Variants in ARHGEF3 observed in about 807,000 individuals in gnomAD.
ARHGEF3 encodes 59.8 kDA protein.
ARHGEF3 carries 28 observed loss-of-function variants against 63.2 expected under a neutral mutation model. The observed-to-expected ratio is 0.44, with a 90% CI of 0.33 to 0.61. The LOEUF (loss-of-function observed/expected upper bound fraction) is 0.61, where lower values mean the gene tolerates loss of function less well. Among genes scored for constraint, ARHGEF3 ranks in the 20% least tolerant of loss-of-function variants. The pLI is 0.03. For missense variants in ARHGEF3, 533 were observed against 659.3 expected (o/e 0.81, Z 2.10); for synonymous variants, 266 against 254.2 (o/e 1.05, Z -0.44).
chr3:57,039,452 T>G (rs1382957426), intron 1 of ARHGEF3, among the ~76,000 whole-genome samples: 1 of 152,146 alleles, frequency 6.6e-6, no homozygotes, highest in African/African-American at 2.4e-5. Flanking sequence ...AAGAGACATA[T>G]TCTAGAATGT....
chr3:56,847,344 G>T (rs1358260825), intron 4 of ARHGEF3, among the ~76,000 whole-genome samples: 1 of 152,082 alleles, frequency 6.6e-6, no homozygotes, highest in Non-Finnish European at 1.5e-5. Context: ...ACCAAATTCA[G>T]CCTCATCTTA....
chr3:56,802,081 G>T, upstream of ARHGEF3: 1 of 1,134,836 alleles, frequency 8.8e-7, no homozygotes, highest in Non-Finnish European at 1.1e-6. Flanking sequence ...ACCTCCTGGG[G>T]CTGCGAGGGG....
At chr3:56,809,934 T>C (rs1342960154) in intron 4 of ARHGEF3, among the ~76,000 whole-genome samples, 1 of 152,098 alleles carries the variant, frequency 6.6e-6, no homozygotes, top group Non-Finnish European at 1.5e-5. Flanking sequence ...GGTTTCACCA[T>C]GTGGGTCAGG....
At chr3:56,921,967 C>T (rs908754294) in intron 3 of ARHGEF3, among the ~76,000 whole-genome samples, 5 of 152,120 alleles carry the variant, frequency 3.3e-5, no homozygotes, top group South Asian at 2.1e-4. Flanking sequence ...TACAAGCAAT[C>T]GCCTGAGCTC....
At chr3:56,774,843 G>C (rs774876961) in intron 1 of ARHGEF3, among the ~76,000 whole-genome samples, 2 of 152,014 alleles carry the variant, frequency 1.3e-5, no homozygotes, top group Non-Finnish European at 2.9e-5. Flanking sequence ...AGTGAGCCGA[G>C]ATTGCGCCAC....
chr3:56,869,931 C>G (rs1310557655), intron 4 of ARHGEF3, among the ~76,000 whole-genome samples: 1 of 151,964 alleles, frequency 6.6e-6, no homozygotes, highest in Admixed American at 6.6e-5. Context: ...TAAAACTTGT[C>G]AATATAACAT....
rs2037670120 is a variant in ARHGEF3 at position 56,801,843 on chromosome 3, G to T, written c.-45C>A. Reference sequence around the variant, plus strand: ...CTTTGGGATGTCACCGCTGACCCTAGGCGACTACAAAACTCCCAGGCAAAA... The same window carrying T: ...CTTTGGGATGTCACCGCTGACCCTATGCGACTACAAAACTCCCAGGCAAAA... On this transcript the variant is annotated 5_prime_UTR_variant, in exon 1 of 10. Coordinates refer to ENST00000296315, the MANE Select transcript of ARHGEF3 (RefSeq NM_019555.3). The T allele has an allele frequency of 1.3e-6, 2 of 1,551,718 alleles. No homozygotes were observed. The highest frequency in any genetic ancestry group is 1.7e-6 in the Non-Finnish European group (2 of 1,147,064).
intron 4 of ARHGEF3, among the ~76,000 whole-genome samples, chr3:56,833,371 T>G (rs2038993436): frequency 6.6e-6 from 1 of 152,234 alleles, no homozygotes; most frequent in African/African-American, 2.4e-5. Flanking sequence ...TTTTCATGTT[T>G]TTATTGGCCA....
At chr3:56,870,451 T>C (rs1354911680) in intron 4 of ARHGEF3, among the ~76,000 whole-genome samples, 2 of 152,178 alleles carry the variant, frequency 1.3e-5, no homozygotes, top group Non-Finnish European at 2.9e-5. Context: ...AGATCAGTGA[T>C]TGCCAGAGGT....
At chr3:56,731,779 A>G (rs2033179347) in intron 9 of ARHGEF3, 1 of 194,118 alleles carries the variant, frequency 5.2e-6, no homozygotes, top group Non-Finnish European at 1.1e-5. Flanking sequence ...GTCTTAAATT[A>G]GGCCCACTGA....
At chr3:57,005,133 C>CTA (rs1474074595) in intron 2 of ARHGEF3, among the ~76,000 whole-genome samples, 1 of 152,104 alleles carries the variant, frequency 6.6e-6, no homozygotes, top group African/African-American at 2.4e-5. Flanking sequence ...AATGATTCTA[C>CTA]TAGGCACCTC....
At chr3:56,934,543 C>T (rs971096760) in intron 3 of ARHGEF3, among the ~76,000 whole-genome samples, 7 of 152,186 alleles carry the variant, frequency 4.6e-5, no homozygotes, top group South Asian at 4.1e-4. Flanking sequence ...GTGGGCTTGG[C>T]GGCCCCCGCA....
At chr3:57,023,732 C>G (rs111861330) in intron 2 of ARHGEF3, among the ~76,000 whole-genome samples, 1,769 of 152,316 alleles carry the variant, frequency 0.012, 37 homozygotes, top group African/African-American at 0.04. Context: ...ATGGTTTGCT[C>G]TTTACCTGGC....
At chr3:56,937,946 C>G (rs1378319421) in intron 3 of ARHGEF3, among the ~76,000 whole-genome samples, 2 of 152,220 alleles carry the variant, frequency 1.3e-5, no homozygotes. Context: ...AGTAATCAGT[C>G]TCATTCCCCC....
At chr3:56,958,784 G>C in intron 3 of ARHGEF3, 1 of 1,525,530 alleles carries the variant, frequency 6.6e-7, no homozygotes. Flanking sequence ...ATCCATAATA[G>C]GACATTTAAC....
chr3:57,017,032 TCACA>T lies in ARHGEF3; in HGVS notation c.62+18052_62+18055del, dbSNP rs1553806980. Among the ~76,000 whole-genome samples, 711 of 104,354 alleles carry T rather than the reference TCACA, an allele frequency of 6.8e-3. 4 individuals are homozygous for T. The highest frequency in any genetic ancestry group is 0.031 in the Middle Eastern group (6 of 196). The allele number at this position is 104,354 out of a possible 152,430, so 68.5% of individuals were successfully genotyped here. A position where few individuals can be genotyped will look rare whatever the true frequency, so the allele number is the denominator to read the frequency against. On this transcript the variant is annotated intron_variant, in intron 2 of 12. Coordinates refer to the ARHGEF3 transcript ENST00000338458. ...CTCTCTCTCTCTCTCTCTCTCTCTC[TCACA>T]CACACACACACACACACACACACAC... is the stretch of plus-strand genomic sequence containing the variant.
intron 1 of ARHGEF3, among the ~76,000 whole-genome samples, chr3:57,063,485 C>T (rs973516763): frequency 2.0e-5 from 3 of 152,050 alleles, no homozygotes; most frequent in East Asian, 3.9e-4. Context: ...GTGGTAGGAG[C>T]GGGAGGGGAG....
At chr3:56,752,919 A>C (rs962161781) in intron 4 of ARHGEF3, among the ~76,000 whole-genome samples, 7 of 152,208 alleles carry the variant, frequency 4.6e-5, no homozygotes, top group Admixed American at 2.0e-4. Context: ...GAGGCTGTGA[A>C]TATCAGATGA....
At chr3:56,992,062 G>T (rs1701772379) in intron 2 of ARHGEF3, among the ~76,000 whole-genome samples, 1 of 150,166 alleles carries the variant, frequency 6.7e-6, no homozygotes, top group Non-Finnish European at 1.5e-5. Flanking sequence ...GTGTGTGTGT[G>T]TGTGTGTTCC....
Sources: gnomAD v4.1 joint callset for allele counts (sites outside exome capture counted in the v4.1 genomes callset) on GRCh38, gnomAD v4.1.1 for gene constraint, MANE v1.5 for transcripts, NCBI Gene and HGNC (gene_info 2026-07-23, HGNC 2026-07-21) for gene names.